MCOLN2: variants seen among roughly 807,000 people sequenced by gnomAD.
The protein encoded by MCOLN2 is mucolipin-2.
MCOLN2 carries 57 observed loss-of-function variants against 67.5 expected under a neutral mutation model. The ratio of observed to expected loss-of-function variants is 0.84; its 90% CI spans 0.68 to 1.05. The LOEUF is 1.05. Among genes scored for constraint, MCOLN2 ranks in the 50% least tolerant of loss-of-function variants. The pLI is 0.00. For synonymous variants in MCOLN2, 246 were observed against 233.3 expected (o/e 1.05, Z -0.50); for missense variants, 620 against 678.8 (o/e 0.91, Z 0.96).
chr1:84,985,727 C>G (rs961160375), intron 1 of MCOLN2, among the ~76,000 whole-genome samples: 2 of 152,126 alleles, frequency 1.3e-5, no homozygotes, highest in African/African-American at 4.8e-5. Flanking sequence ...TAGGAATACA[C>G]TTAACCAAGG....
At position 84,952,260 on chromosome 1, in the gene MCOLN2, A is replaced by C. The variant is rs1359552616; in HGVS notation, c.730T>G (p.Tyr244Asp). 1 of 1,611,068 alleles carries C rather than the reference A, an allele frequency of 6.2e-7. No individual in the cohort carries two copies. The highest frequency in any genetic ancestry group is 8.5e-7 in the Non-Finnish European group (1 of 1,178,400). Residue 244 changes from tyrosine (Y) to aspartate (D), a missense_variant, in exon 6 of 14, where the codon TAT (tyrosine) becomes GAT (aspartate). Coordinates refer to ENST00000370608, the MANE Select transcript of MCOLN2 (RefSeq NM_153259.4). ...TIHSRELPDC[Y>D]VFQNTIIFDN... ...ATACTTGCCGTATTCTGAAAGACAT[A>C]ACAGTCTGGTAACTCACGGGAATGA... is the stretch of plus-strand genomic sequence containing the variant.
At chr1:84,942,790 A>C (rs1233862932) in intron 7 of MCOLN2, among the ~76,000 whole-genome samples, 2 of 152,084 alleles carry the variant, frequency 1.3e-5, no homozygotes, top group Non-Finnish European at 2.9e-5. Context: ...ATGGGTTATC[A>C]AGGGAATGGC....
intron 11 of MCOLN2, among the ~76,000 whole-genome samples, chr1:84,936,440 G>A (rs550660628): frequency 1.3e-5 from 2 of 152,172 alleles, no homozygotes; most frequent in African/African-American, 4.8e-5. Flanking sequence ...AGCTTTCAGA[G>A]CATGAGGCAA....
At chr1:84,993,658 C>T (rs1203889025) in intron 1 of MCOLN2, among the ~76,000 whole-genome samples, 39 of 135,112 alleles carry the variant, frequency 2.9e-4, no homozygotes, top group African/African-American at 1.1e-3. Flanking sequence ...GAGTCTCGCT[C>T]TGTCGCCCAG....
intron 1 of MCOLN2, among the ~76,000 whole-genome samples, chr1:84,972,265 A>G (rs1557656769): frequency 1.3e-5 from 2 of 152,332 alleles, no homozygotes; most frequent in East Asian, 3.9e-4. Context: ...CCCATCAGCT[A>G]CAGGGCTGTC....
intron 11 of MCOLN2, among the ~76,000 whole-genome samples, chr1:84,933,053 G>C (rs1647251308): frequency 1.3e-5 from 2 of 151,982 alleles, no homozygotes; most frequent in Admixed American, 6.6e-5. Context: ...TCCAACACCA[G>C]GCCCATCCCT....
At chr1:84,976,752 C>A (rs1650011345) in intron 1 of MCOLN2, among the ~76,000 whole-genome samples, 1 of 151,886 alleles carries the variant, frequency 6.6e-6, no homozygotes. Flanking sequence ...GGTGACAGAC[C>A]AAGACTCCAT....
At chr1:84,934,517 T>A (rs954876070) in intron 11 of MCOLN2, among the ~76,000 whole-genome samples, 2 of 152,220 alleles carry the variant, frequency 1.3e-5, no homozygotes, top group African/African-American at 4.8e-5. Flanking sequence ...AGGCAAAATG[T>A]TTTAGCTGAG....
intron 1 of MCOLN2, among the ~76,000 whole-genome samples, chr1:84,980,285 C>A (rs531613993): frequency 7.3e-6 from 1 of 136,386 alleles, no homozygotes. Flanking sequence ...AAAATATCCA[C>A]GACATTCTTC....
chr1:84,994,338 T>C (rs61768854), intron 1 of MCOLN2, among the ~76,000 whole-genome samples: 18,249 of 142,180 alleles, frequency 0.13, 1,355 homozygotes, highest in East Asian at 0.29. Context: ...ACCTTTGAAA[T>C]CAGATGCTGG....
At chr1:84,965,865 G>A (rs1649353492) in intron 1 of MCOLN2, among the ~76,000 whole-genome samples, 157 bp from the exon 2 acceptor site, 1 of 152,134 alleles carries the variant, frequency 6.6e-6, no homozygotes, top group South Asian at 2.1e-4. Context: ...CTCTAGTTAT[G>A]GCAGGGAGGT....
At chr1:84,961,573 G>A (rs1649090245) in intron 2 of MCOLN2, among the ~76,000 whole-genome samples, 1 of 152,172 alleles carries the variant, frequency 6.6e-6, no homozygotes, top group Non-Finnish European at 1.5e-5. Flanking sequence ...ATTGGGGAAG[G>A]TTGGGAGGAA....
At chr1:84,959,840 A>G (rs1648986040) in intron 2 of MCOLN2, among the ~76,000 whole-genome samples, 1 of 152,210 alleles carries the variant, frequency 6.6e-6, no homozygotes, top group Non-Finnish European at 1.5e-5. Context: ...TTGTCATTCC[A>G]TGGTTCAATA....
chr1:84,950,148 G>C (rs1648346951), intron 6 of MCOLN2, among the ~76,000 whole-genome samples: 1 of 152,138 alleles, frequency 6.6e-6, no homozygotes, highest in South Asian at 2.1e-4. Context: ...TCACAATAAA[G>C]ACATAAATTA....
chr1:84,949,462 C>T (rs1648296159), intron 6 of MCOLN2, among the ~76,000 whole-genome samples: 1 of 151,806 alleles, frequency 6.6e-6, no homozygotes, highest in Middle Eastern at 3.2e-3. Context: ...CACGGTGAAA[C>T]CTCGTCTCTA....
At chr1:84,930,745 T>C (rs1166221069) in intron 12 of MCOLN2, among the ~76,000 whole-genome samples, 4 of 152,180 alleles carry the variant, frequency 2.6e-5, no homozygotes, top group Admixed American at 2.6e-4. Context: ...GGTTTTTCAG[T>C]CACTGACCCT....
chr1:84,964,809 T>A (rs982353119), intron 2 of MCOLN2, among the ~76,000 whole-genome samples: 7 of 152,060 alleles, frequency 4.6e-5, no homozygotes, highest in Non-Finnish European at 7.3e-5. Flanking sequence ...CCTATGAGAA[T>A]CTAATGCCAC....
intron 1 of MCOLN2, among the ~76,000 whole-genome samples, chr1:84,966,355 T>A (rs1649382612): frequency 1.3e-5 from 2 of 152,164 alleles, no homozygotes; most frequent in Non-Finnish European, 2.9e-5. Context: ...TCCTACATCT[T>A]AACATAGAGC....
chr1:84,987,151 TAAAGA>T (rs757388648), intron 1 of MCOLN2, among the ~76,000 whole-genome samples: 1 of 150,436 alleles, frequency 6.6e-6, no homozygotes, highest in Non-Finnish European at 1.5e-5. Flanking sequence ...AATGAATGGA[TAAAGA>T]AAAGGTGATA....
Sources: allele counts gnomAD v4.1 joint callset (sites outside exome capture counted in the v4.1 genomes callset), GRCh38; gene constraint gnomAD v4.1.1; transcripts MANE v1.5; gene names NCBI Gene and HGNC (gene_info 2026-07-23, HGNC 2026-07-21).